ZSCAN5A: variants seen among roughly 807,000 people sequenced by gnomAD.
ZSCAN5A encodes zinc finger and SCAN domain-containing protein 5A.
A neutral mutation model predicts 23.7 loss-of-function variants in ZSCAN5A; 12 were observed. The observed-to-expected ratio is 0.51, with a 90% confidence interval of 0.32 to 0.82. The LOEUF is 0.82. ZSCAN5A is among the 40% of genes least tolerant of loss of function. ZSCAN5A has a pLI of 0.03. For missense variants in ZSCAN5A, 597 were observed against 617.9 expected (o/e 0.97, Z 0.36); for synonymous variants, 257 against 239.9 (o/e 1.07, Z -0.66).
At chr19:56,291,137 C>A (rs749360068) in intron 2 of ZSCAN5A, among the ~76,000 whole-genome samples, 1 of 152,114 alleles carries the variant, frequency 6.6e-6, no homozygotes, top group Non-Finnish European at 1.5e-5. Flanking sequence ...CTCACAGGAC[C>A]GTTGCCCCAG....
chr19:56,293,408 C>T (rs58730731), intron 2 of ZSCAN5A, among the ~76,000 whole-genome samples: 4,346 of 152,190 alleles, frequency 0.029, 194 homozygotes, highest in African/African-American at 0.096. Flanking sequence ...CTCAGACTAA[C>T]GAGGTCCCTG....
chr19:56,299,139 A>ATT (rs377736368), intron 2 of ZSCAN5A, among the ~76,000 whole-genome samples: 1 of 149,960 alleles, frequency 6.7e-6, no homozygotes, highest in African/African-American at 2.4e-5. Flanking sequence ...AGCTTACATT[A>ATT]TTTTTTTTTT....
upstream of ZSCAN5A, among the ~76,000 whole-genome samples, chr19:56,319,378 C>T (rs911581603): frequency 1.3e-5 from 2 of 151,618 alleles, no homozygotes; most frequent in Admixed American, 6.6e-5. Context: ...TGCCTGTAAT[C>T]CTCACTACCC....
At chr19:56,258,250 T>C (rs2036859730) in intron 2 of ZSCAN5A, among the ~76,000 whole-genome samples, 1 of 152,224 alleles carries the variant, frequency 6.6e-6, no homozygotes, top group Admixed American at 6.5e-5. Context: ...ATCTCTTCTG[T>C]GAGCCTTTTC....
chr19:56,337,176 C>G (rs960002150), intron 2 of ZSCAN5A, among the ~76,000 whole-genome samples: 3 of 152,242 alleles, frequency 2.0e-5, no homozygotes, highest in South Asian at 2.1e-4. Flanking sequence ...GCCCTGCCCC[C>G]ACAGGTGGAG....
upstream of ZSCAN5A, chr19:56,319,754 G>A (rs1330723996): frequency 1.1e-5 from 8 of 738,580 alleles, no homozygotes; most frequent in African/African-American, 3.5e-5. Flanking sequence ...AGATCTGCTC[G>A]GGCCAGTCGC....
intron 2 of ZSCAN5A, among the ~76,000 whole-genome samples, chr19:56,233,429 A>G (rs923034257): frequency 6.6e-6 from 1 of 152,054 alleles, no homozygotes; most frequent in Non-Finnish European, 1.5e-5. Flanking sequence ...TGGCACCTGG[A>G]GATGATTGGA....
At chr19:56,343,336 C>A in intron 2 of ZSCAN5A, 1 of 601,680 alleles carries the variant, frequency 1.7e-6, no homozygotes, top group South Asian at 1.5e-5. Context: ...AGTGAATACC[C>A]AAAAATGAAT....
intron 2 of ZSCAN5A, among the ~76,000 whole-genome samples, chr19:56,230,749 T>C (rs2034396825): frequency 6.6e-6 from 1 of 152,104 alleles, no homozygotes; most frequent in Non-Finnish European, 1.5e-5. Context: ...TGATAAACCC[T>C]ATTGTGAATG....
At chr19:56,267,529 A>G (rs943008963) in intron 2 of ZSCAN5A, among the ~76,000 whole-genome samples, 2 of 152,240 alleles carry the variant, frequency 1.3e-5, no homozygotes, top group African/African-American at 4.8e-5. Context: ...CCTTAGTTGC[A>G]TTAGCGTCAC....
At chr19:56,301,080 C>T (rs182309797) in intron 2 of ZSCAN5A, among the ~76,000 whole-genome samples, 19 of 151,992 alleles carry the variant, frequency 1.3e-4, no homozygotes, top group African/African-American at 3.4e-4. Flanking sequence ...AAAGGGGTCC[C>T]GATCAAGACC....
intron 2 of ZSCAN5A, among the ~76,000 whole-genome samples, chr19:56,243,132 C>T (rs2146638252): frequency 7.2e-6 from 1 of 139,372 alleles, no homozygotes; most frequent in African/African-American, 2.7e-5. Context: ...GAGCACTAGA[C>T]TTTAAATCCA....
chr19:56,241,978 C>T (rs2035458944), intron 2 of ZSCAN5A, among the ~76,000 whole-genome samples: 1 of 152,102 alleles, frequency 6.6e-6, no homozygotes, highest in Non-Finnish European at 1.5e-5. Context: ...GTTTTTCAAC[C>T]CTCCCTCCCT....
At chr19:56,271,331 T>G (rs1337790041) in intron 2 of ZSCAN5A, among the ~76,000 whole-genome samples, 1 of 152,230 alleles carries the variant, frequency 6.6e-6, no homozygotes, top group Non-Finnish European at 1.5e-5. Context: ...ACAAATGGTG[T>G]CAGTGGCCTC....
At chr19:56,312,263 G>A (rs1439924061) in intron 2 of ZSCAN5A, 1 of 152,092 alleles carries the variant, frequency 6.6e-6, no homozygotes, top group Non-Finnish European at 1.5e-5. Flanking sequence ...TATCCAAGTT[G>A]TTCCAAACAG....
intron 1 of ZSCAN5A, chr19:56,314,466 TTA>T (rs143531834): frequency 0.055 from 8,299 of 152,264 alleles, 309 homozygotes; most frequent in Middle Eastern, 0.095. Context: ...TGCACGCATA[TTA>T]TTATTTAAAT....
chr19:56,349,122 A>ACATGCTT, intron 2 of ZSCAN5A, among the ~76,000 whole-genome samples: 1 of 152,200 alleles, frequency 6.6e-6, no homozygotes, highest in South Asian at 2.1e-4. Flanking sequence ...TTCAGGCAGG[A>ACATGCTT]AACCTCTAAA....
At chr19:56,247,234 G>A (rs751900990) in intron 2 of ZSCAN5A, 5 of 455,982 alleles carry the variant, frequency 1.1e-5, no homozygotes, top group South Asian at 9.5e-5. Context: ...CTACACATGT[G>A]ACATCTGTCA....
rs146714694 is a variant in ZSCAN5A at position 56,302,961 on chromosome 19, G to A, written c.-128+10322C>T. ...CATCCACAGAGAGAACCAGATCACC[G>A]AGTGGTAGCACTTCATGAGCAGGTG... is the stretch of plus-strand genomic sequence containing the variant. On this transcript the variant is annotated intron_variant, in intron 2 of 5. Transcript: ENST00000683990. 1.8e-3 allele frequency: 712 copies of A among 398,156 alleles called. 3 individuals carry two copies. The highest frequency in any genetic ancestry group is 5.4e-3 in the African/African-American group (263 of 48,698). The allele number at this position is 398,156 out of a possible 1,614,324, so 24.7% of individuals were successfully genotyped here. A position where few individuals can be genotyped will look rare whatever the true frequency, so the allele number is the denominator to read the frequency against.
Sources: gnomAD v4.1 joint callset for allele counts (sites outside exome capture counted in the v4.1 genomes callset) on GRCh38, gnomAD v4.1.1 for gene constraint, MANE v1.5 for transcripts, NCBI Gene and HGNC (gene_info 2026-07-23, HGNC 2026-07-21) for gene names.